Variants in PHLDB2 observed in about 807,000 individuals in gnomAD.
The protein encoded by PHLDB2 is pleckstrin homology-like domain family B member 2.
Under a neutral mutation model 123.6 loss-of-function variants are expected in PHLDB2, and 71 were observed. That is an observed-to-expected ratio of 0.57 (90% CI 0.47 to 0.70). The LOEUF (loss-of-function observed/expected upper bound fraction) is 0.70. PHLDB2 is among the 30% of genes least tolerant of loss of function. The probability of loss-of-function intolerance (pLI) is 0.00; values close to 1 mark genes in which losing one functional copy is unlikely to be tolerated. For synonymous variants in PHLDB2, 547 were observed against 541.6 expected (o/e 1.01, Z -0.14); for missense variants, 1,446 against 1,519.5 (o/e 0.95, Z 0.80).
At chr3:111,822,888 G>A (rs1576744348) in intron 1 of PHLDB2, among the ~76,000 whole-genome samples, 1 of 151,130 alleles carries the variant, frequency 6.6e-6, no homozygotes, top group African/African-American at 2.4e-5. Context: ...TTAGCCCTCG[G>A]AAAAAAAAAT....
intron 1 of PHLDB2, among the ~76,000 whole-genome samples, chr3:111,876,445 C>G (rs1198807121): frequency 6.6e-6 from 1 of 151,874 alleles, no homozygotes; most frequent in Admixed American, 6.6e-5. Context: ...AATAACAAAG[C>G]CAATTAACAC....
chr3:111,786,330 C>A (rs888573233), intron 1 of PHLDB2, among the ~76,000 whole-genome samples: 11 of 152,138 alleles, frequency 7.2e-5, no homozygotes, highest in African/African-American at 2.7e-4. Context: ...ATTTTTCATT[C>A]ATGGTTGGTT....
chr3:111,855,418 TTCC>T (rs892983448), upstream of PHLDB2, among the ~76,000 whole-genome samples: 20 of 151,882 alleles, frequency 1.3e-4, no homozygotes, highest in East Asian at 2.3e-3. Flanking sequence ...CCTTCCTTCC[TTCC>T]TTTCTTTCTT....
At chr3:111,823,627 T>G (rs558296160) in intron 1 of PHLDB2, among the ~76,000 whole-genome samples, 18 of 152,340 alleles carry the variant, frequency 1.2e-4, no homozygotes, top group African/African-American at 4.1e-4. Context: ...AAGTCTTATC[T>G]ATTCACATCT....
intron 1 of PHLDB2, among the ~76,000 whole-genome samples, chr3:111,739,806 T>C (rs2059573087): frequency 6.6e-6 from 1 of 151,954 alleles, no homozygotes; most frequent in Non-Finnish European, 1.5e-5. Flanking sequence ...AGAGGGCATA[T>C]CAAAGAAGGG....
Position 111,883,678 on chromosome 3 carries a change from G to A in PHLDB2, c.-14-386G>A, listed in dbSNP as rs138926801. 5.3e-3 allele frequency among the ~76,000 whole-genome samples: 813 copies of A among 152,294 alleles called. 10 individuals carry two copies. The highest frequency in any genetic ancestry group is 0.019 in the African/African-American group (778 of 41,554). ...ATGATTCTAGCAGAGACAGCTATAG[G>A]AAAGTCCATTGCATTATGCCTTTGG... On this transcript the variant is annotated intron_variant, in intron 1 of 17. Coordinates refer to ENST00000431670, the MANE Select transcript of PHLDB2 (RefSeq NM_001134438.2).
At chr3:111,768,149 G>A (rs1020631005) in intron 1 of PHLDB2, among the ~76,000 whole-genome samples, 1 of 152,078 alleles carries the variant, frequency 6.6e-6, no homozygotes, top group African/African-American at 2.4e-5. Flanking sequence ...TGTTTGCCCT[G>A]GCCATTGATA....
chr3:111,823,162 G>A (rs1299329781), intron 1 of PHLDB2, among the ~76,000 whole-genome samples: 1 of 152,242 alleles, frequency 6.6e-6, no homozygotes, highest in Admixed American at 6.5e-5. Context: ...GGAAGTGGGA[G>A]TTGGGAAATA....
chr3:111,952,916 T>G (rs982017174), intron 11 of PHLDB2, among the ~76,000 whole-genome samples: 12 of 152,138 alleles, frequency 7.9e-5, no homozygotes, highest in Non-Finnish European at 1.3e-4. Context: ...AGAACATGCT[T>G]CAGGGTATTT....
At chr3:111,939,782 A>T in intron 7 of PHLDB2, 152 bp downstream of exon 7, 1 of 718,884 alleles carries the variant, frequency 1.4e-6, no homozygotes, top group Non-Finnish European at 2.2e-6. Context: ...ACAAATTGAG[A>T]CATATTACAG....
At chr3:111,757,218 C>T (rs1360259075) in intron 1 of PHLDB2, among the ~76,000 whole-genome samples, 1 of 152,214 alleles carries the variant, frequency 6.6e-6, no homozygotes, top group East Asian at 1.9e-4. Context: ...TGGGGAAGTT[C>T]TCCTGTATAA....
chr3:111,734,665 C>T (rs975616048), intron 1 of PHLDB2, among the ~76,000 whole-genome samples: 20 of 152,116 alleles, frequency 1.3e-4, no homozygotes, highest in Admixed American at 7.2e-4. Flanking sequence ...TGTTTTTCAA[C>T]GTTAGGTAGT....
intron 1 of PHLDB2, among the ~76,000 whole-genome samples, chr3:111,788,310 A>G (rs2060776055): frequency 6.6e-6 from 1 of 152,204 alleles, no homozygotes; most frequent in South Asian, 2.1e-4. Flanking sequence ...CTACCTTCCT[A>G]TGACCAAAAA....
At chr3:111,918,636 A>G (rs1039777506) in intron 3 of PHLDB2, among the ~76,000 whole-genome samples, 16 of 152,186 alleles carry the variant, frequency 1.1e-4, no homozygotes, top group African/African-American at 3.6e-4. Flanking sequence ...CACCTGGAAG[A>G]TGGGAGAGAA....
intron 2 of PHLDB2, among the ~76,000 whole-genome samples, chr3:111,888,445 A>T (rs984779962): frequency 6.6e-6 from 1 of 152,180 alleles, no homozygotes; most frequent in South Asian, 2.1e-4. Flanking sequence ...AGAATTGTGT[A>T]TACCTGAGAG....
chr3:111,860,805 G>C (rs1318269002), intron 1 of PHLDB2, among the ~76,000 whole-genome samples: 1 of 152,190 alleles, frequency 6.6e-6, no homozygotes, highest in African/African-American at 2.4e-5. Context: ...AAGAGCTCTA[G>C]AATGCACAAC....
chr3:111,882,262 T>G (rs1024027805), intron 1 of PHLDB2, among the ~76,000 whole-genome samples: 3 of 152,136 alleles, frequency 2.0e-5, no homozygotes, highest in Non-Finnish European at 2.9e-5. Flanking sequence ...AATATTTAAC[T>G]TGAGAGAATT....
In PHLDB2 at chr3:111,962,245, C is replaced by G; in HGVS notation, c.3010C>G (p.Leu1004Val). ...CTACAAGGACCAGGCCTTTGATACT[C>G]TGAGCCTCGATAGCTCTGATAGCAT... ...HSYKDQAFDT[L>V]SLDSSDSMET... The change falls in exon 13 of 18, where the codon CTG (leucine) becomes GTG (valine). Residue 1004 changes from leucine to valine, a missense_variant. Physicochemically the swap from Leu to Val is conservative, Grantham distance 32 (BLOSUM62 1). Around this residue, in one of 3 missense-constraint regions of PHLDB2, gnomAD observed 594 missense variants for 646.0 expected, o/e 0.92. Transcript: ENST00000431670. 1 of 1,580,170 alleles carries G rather than the reference C, an allele frequency of 6.3e-7. No individual in the cohort carries two copies. The highest frequency in any genetic ancestry group is 1.4e-5 in the African/African-American group (1 of 72,474).
intron 6 of PHLDB2, among the ~76,000 whole-genome samples, chr3:111,932,889 T>A (rs1433490186): frequency 6.6e-6 from 1 of 152,212 alleles, no homozygotes; most frequent in Non-Finnish European, 1.5e-5. Flanking sequence ...TTGAACTAAT[T>A]AGCCCAATCC....
Sources: allele counts gnomAD v4.1 joint callset (sites outside exome capture counted in the v4.1 genomes callset), GRCh38; gene constraint gnomAD v4.1.1; regional missense constraint gnomAD v4.1.1; transcripts MANE v1.5; gene names NCBI Gene and HGNC (gene_info 2026-07-23, HGNC 2026-07-21).